NUP58: variants seen among roughly 807,000 people sequenced by gnomAD.
The protein encoded by NUP58 is nucleoporin 58.
NUP58 carries 17 observed loss-of-function variants against 70.1 expected under a neutral mutation model. The ratio of observed to expected loss-of-function variants is 0.24; its 90% CI spans 0.17 to 0.36. The LOEUF is 0.36. Among genes scored for constraint, NUP58 ranks in the 10% least tolerant of loss-of-function variants. NUP58 has a pLI of 1.00. For synonymous variants in NUP58, 275 were observed against 257.6 expected, an observed-to-expected ratio of 1.07 and a Z score of -0.65; for missense variants, 644 against 701.5, an observed-to-expected ratio of 0.92 and a Z score of 0.93.
rs369168400 is a variant in NUP58, at chr13:25,336,972, C to T, written c.1472C>T (p.Pro491Leu). The T allele has an allele frequency of 3.7e-6, 6 of 1,607,534 alleles. No homozygotes were observed. In the African/African-American group the frequency reaches 6.8e-5, roughly 18 times the overall value. Residue 491 changes from proline to leucine, a missense_variant, in exon 14 of 16, where the codon CCA becomes CTA. Around this residue, in one of 4 missense-constraint regions of NUP58, gnomAD observed 132 missense variants for 203.9 expected, o/e 0.65. Coordinates refer to ENST00000381736, the MANE Select transcript of NUP58 (RefSeq NM_014089.4). ...QPSLGVSFGT[P>L]FGSGIGTGLQ... ...TCTCTGGGAGTTAGTTTTGGAACGC[C>T]ATTCGGCTCAGGTATTGGCACTGGC...
rs745615151 is a variant in NUP58, at chr13:25,321,090, T to G, written c.948T>G (p.Ala316=). The G allele has an allele frequency of 6.3e-7, 1 of 1,583,272 alleles. No homozygotes were observed. Among genetic ancestry groups the G allele is most frequent in the South Asian group, 1.2e-5 (1 of 84,138 alleles). Residue 316 remains alanine, a synonymous_variant, in exon 9 of 16, where the codon GCT becomes GCG. Transcript: ENST00000381736. ...LNIDKLKIET[A]QELKNAEIAL... ...TTGACAAATTGAAAATAGAAACTGC[T>G]CAGGTATACCAACTTATGGCCATTT... is the stretch of plus-strand genomic sequence containing the variant.
intron 1 of NUP58, among the ~76,000 whole-genome samples, chr13:25,307,459 C>T (rs1279814626): frequency 1.3e-5 from 2 of 152,092 alleles, no homozygotes; most frequent in Admixed American, 6.5e-5. Context: ...TGTGATCCAC[C>T]TGCCTCGGCC....
Position 25,336,997 on chromosome 13 carries a change from C to G in NUP58, c.1497C>G (p.Gly499=). Residue 499 remains glycine, a synonymous_variant, in exon 14 of 16, where the codon GGC becomes GGG. Coordinates refer to ENST00000381736, the MANE Select transcript of NUP58 (RefSeq NM_014089.4). ...GTPFGSGIGT[G]LQSSGLGSSN... ...CATTCGGCTCAGGTATTGGCACTGG[C>G]TTGCAATCAAGTGGCTTAGGTTCTT... The G allele has an allele frequency of 1.2e-6, 2 of 1,608,222 alleles. No homozygotes were observed. The highest frequency in any genetic ancestry group is 1.7e-6 in the Non-Finnish European group (2 of 1,178,266).
intron 1 of NUP58, among the ~76,000 whole-genome samples, chr13:25,305,144 T>TTTGTTTG (rs1566055028): frequency 8.4e-6 from 1 of 119,176 alleles, no homozygotes; most frequent in African/African-American, 3.8e-5. Flanking sequence ...TTTTTTTTTT[T>TTTGTTTG]TTTTTTTTTT....
At chr13:25,343,846 C>T (rs193074489), downstream of NUP58, among the ~76,000 whole-genome samples, 367 of 146,304 alleles carry the variant, frequency 2.5e-3, no homozygotes, top group Non-Finnish European at 4.3e-3. Context: ...TATATACGCA[C>T]ACACACACAT....
chr13:25,315,076 T>TTA (rs1309993230), intron 5 of NUP58, among the ~76,000 whole-genome samples: 2 of 152,206 alleles, frequency 1.3e-5, no homozygotes, highest in African/African-American at 4.8e-5. Context: ...CAAAACCCCT[T>TTA]TATAACAAGT....
downstream of NUP58, among the ~76,000 whole-genome samples, chr13:25,344,147 G>A (rs1333490212): frequency 6.6e-6 from 1 of 151,928 alleles, no homozygotes; most frequent in African/African-American, 2.4e-5. Flanking sequence ...TAATGTAATT[G>A]CTTATTATAT....
chr13:25,305,130 G>GTTTTTTTTTT (rs562132125), intron 1 of NUP58, among the ~76,000 whole-genome samples: 42 of 58,554 alleles, frequency 7.2e-4, no homozygotes, highest in East Asian at 1.6e-3. Flanking sequence ...GATCTGTGGG[G>GTTTTTTTTTT]TTTTTTTTTT....
At chr13:25,305,755 G>T (rs533742313) in intron 1 of NUP58, among the ~76,000 whole-genome samples, 2 of 152,118 alleles carry the variant, frequency 1.3e-5, no homozygotes, top group Non-Finnish European at 2.9e-5. Flanking sequence ...TACTGAAGGT[G>T]TGTACATTTC....
At chr13:25,331,296 C>T (rs1284605443) in intron 12 of NUP58, 61 bp from the exon 13 acceptor site, 1 of 1,440,078 alleles carries the variant, frequency 6.9e-7, no homozygotes, top group African/African-American at 1.4e-5. Context: ...TATATTCATC[C>T]ACATATTAAC....
chr13:25,336,017 T>C (rs953543652), intron 13 of NUP58: 1 of 1,151,300 alleles, frequency 8.7e-7, no homozygotes, highest in African/African-American at 1.7e-5. Flanking sequence ...CTAGTAAGTT[T>C]GATGCTATTC....
At chr13:25,308,581 G>A (rs1353250960) in intron 2 of NUP58, among the ~76,000 whole-genome samples, 1 of 151,912 alleles carries the variant, frequency 6.6e-6, no homozygotes, top group Non-Finnish European at 1.5e-5. Flanking sequence ...AGAGTGCTGG[G>A]ATTATAGGCC....
intron 1 of NUP58, among the ~76,000 whole-genome samples, chr13:25,306,995 T>C (rs2030394871): frequency 6.6e-6 from 1 of 152,146 alleles, no homozygotes; most frequent in African/African-American, 2.4e-5. Flanking sequence ...TACCTAAGTC[T>C]ATACTCTCCC....
At position 25,312,792 on chromosome 13, in the gene NUP58, T is replaced by C. The variant is rs150998333; in HGVS notation, c.287-91T>C. 7,980 of 1,290,110 alleles carry C rather than the reference T, an allele frequency of 6.2e-3. 39 individuals carry two copies. Among genetic ancestry groups the C allele is most frequent in the Non-Finnish European group, 7.6e-3 (7,150 of 943,064 alleles). The allele number at this position is 1,290,110 out of a possible 1,614,324, so 79.9% of individuals were successfully genotyped here. On this transcript the variant is annotated intron_variant, in intron 3 of 15. Coordinates refer to ENST00000381736, the MANE Select transcript of NUP58 (RefSeq NM_014089.4). The stretch of plus-strand genomic sequence containing the variant: ...GGCAAAAGGTAGTATCATGAACTTT[T>C]AAGGATCCTTATTGAAACCAGTATA...
chr13:25,328,189 A>T (rs1000473015), intron 12 of NUP58, among the ~76,000 whole-genome samples: 2 of 151,872 alleles, frequency 1.3e-5, no homozygotes, highest in Non-Finnish European at 2.9e-5. Context: ...ACAGAGCAAG[A>T]TTCCATCTCA....
chr13:25,335,587 A>T, intron 13 of NUP58: 1 of 981,966 alleles, frequency 1.0e-6, no homozygotes, highest in Non-Finnish European at 1.2e-6. Context: ...ATTTTAAATT[A>T]TTTTTTTAAT....
At chr13:25,332,715 T>C in intron 13 of NUP58, 6 of 985,482 alleles carry the variant, frequency 6.1e-6, no homozygotes, top group Non-Finnish European at 7.2e-6. Flanking sequence ...ATCCCGTGGC[T>C]GGACCCATGT....
At chr13:25,303,838 A>C (rs1457089052) in intron 1 of NUP58, among the ~76,000 whole-genome samples, 1 of 152,388 alleles carries the variant, frequency 6.6e-6, no homozygotes, top group East Asian at 1.9e-4. Flanking sequence ...TGCCTGGCAT[A>C]GAAAAAGGGC....
chr13:25,316,671 A>G (rs2030945180), intron 6 of NUP58, among the ~76,000 whole-genome samples: 1 of 152,216 alleles, frequency 6.6e-6, no homozygotes, highest in Admixed American at 6.5e-5. Flanking sequence ...TGTTTACTCA[A>G]GTGGAATAGC....
Sources: allele counts gnomAD v4.1 joint callset (sites outside exome capture counted in the v4.1 genomes callset), GRCh38; gene constraint gnomAD v4.1.1; regional missense constraint gnomAD v4.1.1; transcripts MANE v1.5; gene names NCBI Gene and HGNC (gene_info 2026-07-23, HGNC 2026-07-21).